DAB1: variants seen among roughly 807,000 people sequenced by gnomAD.
The protein encoded by DAB1 is DAB adaptor protein 1.
A neutral mutation model predicts 64.6 loss-of-function variants in DAB1; 15 were observed. The observed-to-expected ratio is 0.23, with a 90% CI of 0.16 to 0.36. The LOEUF is 0.36. DAB1 is among the 10% of genes least tolerant of loss of function. The pLI, the probability that DAB1 is intolerant of heterozygous loss-of-function variation, is 1.00. For missense variants in DAB1, 596 were observed against 706.7 expected (o/e 0.84, Z 1.78); for synonymous variants, 235 against 251.9 (o/e 0.93, Z 0.64).
At chr1:57,022,646 A>G (rs1332915791) in intron 11 of DAB1, among the ~76,000 whole-genome samples, 2 of 152,256 alleles carry the variant, frequency 1.3e-5, no homozygotes, top group East Asian at 3.9e-4. Context: ...TGTAATTAAA[A>G]GTAATTATAG....
intron 4 of DAB1, among the ~76,000 whole-genome samples, chr1:57,093,908 G>A (rs945028026): frequency 6.6e-6 from 1 of 151,810 alleles, no homozygotes; most frequent in Non-Finnish European, 1.5e-5. Flanking sequence ...GAAGTCAGGA[G>A]TTTGAGATCA....
At chr1:58,210,038 T>C (rs1658476742) in intron 4 of DAB1, among the ~76,000 whole-genome samples, 1 of 152,202 alleles carries the variant, frequency 6.6e-6, no homozygotes, top group Non-Finnish European at 1.5e-5. Flanking sequence ...AGTGCCACAA[T>C]TTAATGAGCA....
chr1:57,187,418 G>T (rs978493521), intron 2 of DAB1, among the ~76,000 whole-genome samples: 1 of 152,098 alleles, frequency 6.6e-6, no homozygotes, highest in Admixed American at 6.6e-5. Flanking sequence ...TTACTATAAA[G>T]TACCACAGTC....
intron 3 of DAB1, among the ~76,000 whole-genome samples, chr1:58,396,007 C>A (rs1644518513): frequency 6.6e-6 from 1 of 152,106 alleles, no homozygotes; most frequent in Non-Finnish European, 1.5e-5. Flanking sequence ...GCTAGAGAAA[C>A]CCTGATTGTT....
chr1:58,510,276 C>G (rs911421939), intron 2 of DAB1, among the ~76,000 whole-genome samples: 1 of 152,050 alleles, frequency 6.6e-6, no homozygotes, highest in African/African-American at 2.4e-5. Flanking sequence ...AAAAGGATCA[C>G]ACCTCATGAC....
chr1:57,634,395 T>A (rs1570691765), intron 7 of DAB1, among the ~76,000 whole-genome samples: 1 of 152,200 alleles, frequency 6.6e-6, no homozygotes, highest in South Asian at 2.1e-4. Context: ...AGTAATTGTG[T>A]TAAAATAGAG....
At chr1:58,228,979 C>T (rs1659648245) in intron 4 of DAB1, 1 of 442,346 alleles carries the variant, frequency 2.3e-6, no homozygotes, top group South Asian at 2.0e-5. Flanking sequence ...ACATGCTCCA[C>T]CAGCCCGAAG....
chr1:57,548,262 T>G (rs1484677488), intron 7 of DAB1, among the ~76,000 whole-genome samples: 1 of 152,112 alleles, frequency 6.6e-6, no homozygotes, highest in Non-Finnish European at 1.5e-5. Flanking sequence ...GCAACAGGTA[T>G]TATTATTATC....
chr1:57,536,697 A>G (rs1462880798), intron 7 of DAB1, among the ~76,000 whole-genome samples: 1 of 151,702 alleles, frequency 6.6e-6, no homozygotes, highest in East Asian at 1.9e-4. Flanking sequence ...ACAAGGAAAA[A>G]AAAAAAAAAA....
chr1:57,673,905 C>T (rs1646535412), intron 6 of DAB1, among the ~76,000 whole-genome samples: 1 of 152,128 alleles, frequency 6.6e-6, no homozygotes, highest in African/African-American at 2.4e-5. Flanking sequence ...GCGCCAGTCA[C>T]ATCCACATGG....
At chr1:58,386,028 G>A (rs1644429556) in intron 3 of DAB1, among the ~76,000 whole-genome samples, 1 of 152,154 alleles carries the variant, frequency 6.6e-6, no homozygotes, top group Non-Finnish European at 1.5e-5. Context: ...TTTATAGCAC[G>A]TTAGCTCTAC....
chr1:58,007,424 A>C (rs918588577), intron 5 of DAB1, among the ~76,000 whole-genome samples: 6 of 152,186 alleles, frequency 3.9e-5, no homozygotes, highest in African/African-American at 1.2e-4. Context: ...GTACTTTATT[A>C]ATCTTTTTTT....
At chr1:58,514,878 T>A (rs1396624270) in intron 2 of DAB1, among the ~76,000 whole-genome samples, 1 of 152,214 alleles carries the variant, frequency 6.6e-6, no homozygotes, top group African/African-American at 2.4e-5. Flanking sequence ...GAAACCTTAC[T>A]GTCTATGAGA....
chr1:58,295,963 C>T (rs1661963316), intron 4 of DAB1, among the ~76,000 whole-genome samples: 1 of 151,220 alleles, frequency 6.6e-6, no homozygotes, highest in Non-Finnish European at 1.5e-5. Flanking sequence ...CATGGTGGCA[C>T]ACCCGTATAG....
rs528596412 is a variant in DAB1, at chr1:58,121,890, G to A, written n.387+28621C>T. Reference sequence around the variant, plus strand: ...TTTCCTTGCCTTCTTAAGTAGAAGCGAAAAGAGTTAAGTTGAAGTTAGAAC... The same window carrying A: ...TTTCCTTGCCTTCTTAAGTAGAAGCAAAAAGAGTTAAGTTGAAGTTAGAAC... On this transcript the variant is annotated intron_variant and non_coding_transcript_variant, in intron 5 of 20. Transcript: ENST00000485760. 1.2e-3 allele frequency among the ~76,000 whole-genome samples: 180 copies of A among 152,262 alleles called. 3 individuals carry two copies. Among genetic ancestry groups the A allele is most frequent in the Non-Finnish European group, 1.5e-3 (102 of 68,016 alleles).
intron 5 of DAB1, among the ~76,000 whole-genome samples, chr1:58,026,980 C>T (rs1405832355): frequency 2.6e-5 from 4 of 152,274 alleles, no homozygotes; most frequent in Admixed American, 1.3e-4. Flanking sequence ...GACAAATGGA[C>T]CAAATCTTGG....
At chr1:57,444,721 G>A (rs1476086576) in intron 7 of DAB1, among the ~76,000 whole-genome samples, 1 of 152,094 alleles carries the variant, frequency 6.6e-6, no homozygotes, top group Non-Finnish European at 1.5e-5. Flanking sequence ...ACAAACCAAG[G>A]AACACCTGCA....
At chr1:58,092,154 G>C (rs1409361605) in intron 5 of DAB1, among the ~76,000 whole-genome samples, 3 of 151,920 alleles carry the variant, frequency 2.0e-5, no homozygotes, top group Non-Finnish European at 4.4e-5. Flanking sequence ...GGCCAAGATG[G>C]TGAAACCCTG....
At chr1:57,375,935 A>G (rs10047177) in intron 1 of DAB1, among the ~76,000 whole-genome samples, 81,431 of 151,944 alleles carry the variant, frequency 0.54, 22,735 homozygotes, top group African/African-American at 0.63. Context: ...TGAATCGAGC[A>G]TGGTTCCTGT....
Sources: allele counts gnomAD v4.1 joint callset (sites outside exome capture counted in the v4.1 genomes callset), GRCh38; gene constraint gnomAD v4.1.1; transcripts MANE v1.5; gene names NCBI Gene and HGNC (gene_info 2026-07-23, HGNC 2026-07-21).